The following RFC3 variants were observed in gnomAD, a reference collection of about 807,000 sequenced individuals.
RFC3 encodes replication factor C subunit 3, also known as A1 38 kDa subunit.
RFC3 carries 41 observed loss-of-function variants against 45.1 expected under a neutral mutation model. The observed-to-expected ratio is 0.91, with a 90% CI of 0.71 to 1.18. The LOEUF is 1.18. Ranked by LOEUF, RFC3 falls within the 50% of genes most tolerant of loss-of-function variation. The pLI, the probability that RFC3 is intolerant of heterozygous loss-of-function variation, is 0.00. For synonymous variants in RFC3, 149 were observed against 144.0 expected, an observed-to-expected ratio of 1.03 and a Z score of -0.25; for missense variants, 423 against 428.1, an observed-to-expected ratio of 0.99 and a Z score of 0.10.
At chr13:33,893,295 C>T (rs1166318668) in intron 8 of RFC3, among the ~76,000 whole-genome samples, 2 of 152,118 alleles carry the variant, frequency 1.3e-5, no homozygotes, top group African/African-American at 2.4e-5. Context: ...CAATTATTTA[C>T]TAGAACCTAG....
At chr13:33,946,011 C>T (rs2082952140) in intron 8 of RFC3, among the ~76,000 whole-genome samples, 1 of 152,164 alleles carries the variant, frequency 6.6e-6, no homozygotes, top group African/African-American at 2.4e-5. Context: ...TTCAGTATCT[C>T]ATCTGGAGCG....
intron 8 of RFC3, among the ~76,000 whole-genome samples, chr13:33,948,923 C>T (rs1049178105): frequency 2.0e-5 from 3 of 152,098 alleles, no homozygotes; most frequent in African/African-American, 7.2e-5. Flanking sequence ...GCAGAAGCAA[C>T]TTGTGTTGTC....
At chr13:33,946,478 T>A (rs2082955174) in intron 8 of RFC3, among the ~76,000 whole-genome samples, 1 of 152,200 alleles carries the variant, frequency 6.6e-6, no homozygotes, top group South Asian at 2.1e-4. Context: ...ATATTATAAA[T>A]TAAAAATGAT....
intron 2 of RFC3, 113 bp from the exon 3 acceptor site, chr13:33,823,804 G>T: frequency 1.9e-6 from 1 of 538,428 alleles, no homozygotes. Context: ...AACATGAATG[G>T]TGGTTATCTC....
chr13:33,844,009 T>A (rs765402538), intron 8 of RFC3, among the ~76,000 whole-genome samples: 2 of 152,176 alleles, frequency 1.3e-5, no homozygotes, highest in Non-Finnish European at 2.9e-5. Context: ...TCCCATCTTG[T>A]TGGGTTTGTT....
At chr13:33,941,148 G>A (rs1038447279) in intron 8 of RFC3, among the ~76,000 whole-genome samples, 2 of 152,152 alleles carry the variant, frequency 1.3e-5, no homozygotes. Flanking sequence ...GGAGGAGGCT[G>A]TTCTCTTCAG....
chr13:33,946,721 C>T (rs1414897685), intron 8 of RFC3, among the ~76,000 whole-genome samples: 3 of 152,140 alleles, frequency 2.0e-5, no homozygotes, highest in African/African-American at 7.2e-5. Flanking sequence ...AAAATCTGGC[C>T]TCACAGATGT....
chr13:33,886,049 GGA>G (rs66487150), intron 8 of RFC3, among the ~76,000 whole-genome samples: 33,171 of 151,722 alleles, frequency 0.22, 4,678 homozygotes, highest in Non-Finnish European at 0.32. Context: ...AGACATTCAA[GGA>G]GAGTCTTCTC....
intron 8 of RFC3, among the ~76,000 whole-genome samples, chr13:33,897,503 A>C (rs184088008): frequency 9.1e-4 from 138 of 152,208 alleles, no homozygotes; most frequent in Non-Finnish European, 1.6e-3. Flanking sequence ...GAGTAAGAAA[A>C]AAAGAAAGGA....
intron 8 of RFC3, among the ~76,000 whole-genome samples, chr13:33,910,113 A>G (rs528755160): frequency 1.3e-5 from 2 of 152,096 alleles, no homozygotes; most frequent in Non-Finnish European, 2.9e-5. Context: ...CTTTGACTAC[A>G]TACATTAATT....
chr13:33,919,166 A>G (rs552302376), intron 8 of RFC3, among the ~76,000 whole-genome samples: 14 of 152,266 alleles, frequency 9.2e-5, no homozygotes, highest in South Asian at 4.1e-4. Context: ...TGCCTCACCC[A>G]TTCAGAAATG....
chr13:33,828,075 G>C (rs1193114526), intron 4 of RFC3, among the ~76,000 whole-genome samples: 1 of 152,112 alleles, frequency 6.6e-6, no homozygotes, highest in Non-Finnish European at 1.5e-5. Flanking sequence ...TTGAACCCAG[G>C]AGTTTGGGAT....
intron 8 of RFC3, among the ~76,000 whole-genome samples, chr13:33,908,605 G>GAC (rs2082685886): frequency 1.1e-5 from 1 of 94,448 alleles, no homozygotes; most frequent in Non-Finnish European, 2.2e-5. Context: ...ACACACAGGA[G>GAC]ATACACACAC....
intron 4 of RFC3, among the ~76,000 whole-genome samples, chr13:33,828,438 G>A (rs1017019094): frequency 6.6e-6 from 1 of 152,166 alleles, no homozygotes; most frequent in African/African-American, 2.4e-5. Flanking sequence ...CTTCATTTTG[G>A]TATTCTCAGA....
intron 8 of RFC3, among the ~76,000 whole-genome samples, chr13:33,868,455 A>T (rs993677168): frequency 2.0e-5 from 3 of 152,198 alleles, no homozygotes; most frequent in Non-Finnish European, 4.4e-5. Flanking sequence ...CGCCTCACAG[A>T]TGAAAAATGG....
chr13:33,871,048 G>T (rs1319988313), intron 8 of RFC3, among the ~76,000 whole-genome samples: 2 of 152,142 alleles, frequency 1.3e-5, no homozygotes, highest in African/African-American at 4.8e-5. Flanking sequence ...TCTGGTATAT[G>T]GTAAATCAAG....
intron 8 of RFC3, among the ~76,000 whole-genome samples, chr13:33,883,841 C>T (rs2082502107): frequency 6.6e-6 from 1 of 152,090 alleles, no homozygotes; most frequent in South Asian, 2.1e-4. Context: ...GGGTACTAGG[C>T]TTAATACCTG....
At chr13:33,949,664 A>G (rs1460411467) in intron 8 of RFC3, among the ~76,000 whole-genome samples, 1 of 152,134 alleles carries the variant, frequency 6.6e-6, no homozygotes, top group East Asian at 1.9e-4. Context: ...ATTAGGCCGC[A>G]GAGTGCCCAA....
chr13:33,889,857 C>A (rs2082552642), intron 8 of RFC3, among the ~76,000 whole-genome samples: 1 of 152,102 alleles, frequency 6.6e-6, no homozygotes, highest in African/African-American at 2.4e-5. Flanking sequence ...TATATATACA[C>A]AATATAATAT....
Sources: allele counts gnomAD v4.1 joint callset (sites outside exome capture counted in the v4.1 genomes callset), GRCh38; gene constraint gnomAD v4.1.1; transcripts MANE v1.5; gene names NCBI Gene and HGNC (gene_info 2026-07-23, HGNC 2026-07-21).